DCAF5: variants seen among roughly 807,000 people sequenced by gnomAD.
DCAF5 encodes DDB1 and CUL4 associated factor 5.
In DCAF5, 9 loss-of-function variants were observed where a neutral mutation model predicts 80.7. That is an observed-to-expected ratio of 0.11 (90% CI 0.07 to 0.19). DCAF5 has a LOEUF of 0.19. Among genes scored for constraint, DCAF5 ranks in the 10% least tolerant of loss-of-function variants. The pLI is 1.00. For missense variants in DCAF5, 842 were observed against 1,205.7 expected (o/e 0.70, Z 4.47); for synonymous variants, 433 against 461.9 (o/e 0.94, Z 0.80).
intron 6 of DCAF5, among the ~76,000 whole-genome samples, chr14:69,080,090 T>C (rs963284399): frequency 1.3e-5 from 2 of 152,192 alleles, no homozygotes; most frequent in African/African-American, 2.4e-5. Flanking sequence ...TTTTAAAATA[T>C]AAGGTAGCCA....
chr14:69,142,130 A>C (rs2041395488), intron 1 of DCAF5, among the ~76,000 whole-genome samples: 1 of 152,160 alleles, frequency 6.6e-6, no homozygotes, highest in Non-Finnish European at 1.5e-5. Context: ...TCCTGTCTCT[A>C]CAAAAAAAAA....
chr14:69,071,988 G>A (rs1398799978), intron 7 of DCAF5, among the ~76,000 whole-genome samples: 1 of 152,164 alleles, frequency 6.6e-6, no homozygotes, highest in Non-Finnish European at 1.5e-5. Flanking sequence ...CAGAAGTCTG[G>A]GGGTTGCCAA....
chr14:69,153,125 C>CT (rs1235447934), upstream of DCAF5: 2 of 564,976 alleles, frequency 3.5e-6, no homozygotes, highest in African/African-American at 4.0e-5. Flanking sequence ...GGTGTGCAGA[C>CT]ACTCGGCGGC....
intron 6 of DCAF5, chr14:69,084,120 C>A (rs2039224442): frequency 2.4e-6 from 2 of 826,512 alleles, no homozygotes; most frequent in Admixed American, 3.4e-5. Context: ...AATTTCATGC[C>A]CAGGAATGGA....
At chr14:69,125,931 G>A (rs2140080060) in intron 1 of DCAF5, among the ~76,000 whole-genome samples, 1 of 152,026 alleles carries the variant, frequency 6.6e-6, no homozygotes, top group Non-Finnish European at 1.5e-5. Flanking sequence ...TGTATCTGTA[G>A]TGTTTCTTTA....
chr14:69,072,076 T>A (rs900374931), intron 7 of DCAF5, among the ~76,000 whole-genome samples: 7 of 152,272 alleles, frequency 4.6e-5, no homozygotes, highest in African/African-American at 1.4e-4. Context: ...AGTCTTCATA[T>A]AGATCTGTAA....
intron 5 of DCAF5, among the ~76,000 whole-genome samples, chr14:69,106,596 T>C (rs1447935566): frequency 6.6e-6 from 1 of 152,086 alleles, no homozygotes; most frequent in Non-Finnish European, 1.5e-5. Flanking sequence ...TGTCTTGAAC[T>C]CCTAGCCTCA....
At chr14:69,135,845 A>C (rs1222113354) in intron 1 of DCAF5, among the ~76,000 whole-genome samples, 1 of 152,144 alleles carries the variant, frequency 6.6e-6, no homozygotes, top group Non-Finnish European at 1.5e-5. Context: ...AACCTGAAAA[A>C]CTCAGTGAAC....
chr14:69,103,656 T>C (rs1417002793), intron 5 of DCAF5, among the ~76,000 whole-genome samples: 3 of 152,242 alleles, frequency 2.0e-5, no homozygotes, highest in South Asian at 4.1e-4. Flanking sequence ...CACTATGCTA[T>C]GGAAACTCGC....
rs1436372516 is a variant in DCAF5 at position 69,105,935 on chromosome 14, A to ATCTATCTATC, written c.665+10430_665+10431insGATAGATAGA. On this transcript the variant is annotated intron_variant, in intron 5 of 8. Coordinates refer to ENST00000341516, the MANE Select transcript of DCAF5 (RefSeq NM_003861.3). ...CTGTCATATATATATATATATATAT[A>ATCTATCTATC]TATATATATATCTCCTATTGGTTCT... Among the ~76,000 whole-genome samples the ATCTATCTATC allele has an allele frequency of 2.3e-4, 22 of 94,536 alleles. 1 individual carries two copies. Among genetic ancestry groups the ATCTATCTATC allele is most frequent in the African/African-American group, 7.3e-4 (20 of 27,432 alleles). The allele number at this position is 94,536 out of a possible 152,430, so 62.0% of individuals were successfully genotyped here.
intron 1 of DCAF5, among the ~76,000 whole-genome samples, chr14:69,134,100 C>T (rs1022005061): frequency 6.6e-6 from 1 of 152,248 alleles, no homozygotes; most frequent in African/African-American, 2.4e-5. Context: ...TCTAACATCC[C>T]CATTTTGCCA....
intron 7 of DCAF5, among the ~76,000 whole-genome samples, chr14:69,070,923 G>A (rs1456128105): frequency 3.3e-5 from 5 of 151,674 alleles, no homozygotes; most frequent in African/African-American, 1.2e-4. Context: ...ACAGCCTCCC[G>A]AGTAGCTGGG....
chr14:69,131,678 T>C (rs2041042267), intron 1 of DCAF5, among the ~76,000 whole-genome samples: 1 of 151,524 alleles, frequency 6.6e-6, no homozygotes, highest in Admixed American at 6.6e-5. Flanking sequence ...TCTACCAACA[T>C]GCAGAGGACA....
intron 1 of DCAF5, among the ~76,000 whole-genome samples, chr14:69,148,028 C>A (rs181009537): frequency 6.9e-6 from 1 of 144,794 alleles, no homozygotes; most frequent in Admixed American, 7.0e-5. Context: ...AGTAACAATC[C>A]AAGTCAAATG....
At chr14:69,087,020 G>A (rs1405840964) in intron 6 of DCAF5, among the ~76,000 whole-genome samples, 1 of 152,152 alleles carries the variant, frequency 6.6e-6, no homozygotes, top group Non-Finnish European at 1.5e-5. Flanking sequence ...CATCATATGA[G>A]ACTAAAGCAA....
chr14:69,095,842 G>C (rs957500429), intron 5 of DCAF5, among the ~76,000 whole-genome samples: 1 of 152,154 alleles, frequency 6.6e-6, no homozygotes, highest in African/African-American at 2.4e-5. Context: ...CCACTGGCAT[G>C]AATTTCCTCA....
At chr14:69,096,883 G>A (rs1375761339) in intron 5 of DCAF5, among the ~76,000 whole-genome samples, 2 of 151,964 alleles carry the variant, frequency 1.3e-5, no homozygotes, top group African/African-American at 4.8e-5. Context: ...ACCTCACAGT[G>A]CATAAAACTG....
intron 6 of DCAF5, among the ~76,000 whole-genome samples, 164 bp downstream of exon 6, chr14:69,091,510 T>G (rs753930687): frequency 1.1e-4 from 17 of 152,120 alleles, no homozygotes; most frequent in Non-Finnish European, 1.6e-4. Context: ...ACAGCCTTGA[T>G]AAAGAAACTC....
chr14:69,079,914 G>A (rs887057146), intron 6 of DCAF5, among the ~76,000 whole-genome samples: 1 of 152,136 alleles, frequency 6.6e-6, no homozygotes, highest in Non-Finnish European at 1.5e-5. Context: ...GCGCATATAG[G>A]GAGTGCTGGG....
Sources: allele counts gnomAD v4.1 joint callset (sites outside exome capture counted in the v4.1 genomes callset), GRCh38; gene constraint gnomAD v4.1.1; transcripts MANE v1.5; gene names NCBI Gene and HGNC (gene_info 2026-07-23, HGNC 2026-07-21).